Variants in TSNAX observed in about 807,000 individuals in gnomAD.
TSNAX encodes translin-associated protein X.
A neutral mutation model predicts 33.0 loss-of-function variants in TSNAX; 12 were observed. The observed-to-expected ratio is 0.36, with a 90% CI of 0.23 to 0.59. The LOEUF is 0.59. Among genes scored for constraint, TSNAX ranks in the 20% least tolerant of loss-of-function variants. The pLI is 0.74. For missense variants in TSNAX, 267 were observed against 341.3 expected (o/e 0.78, Z 1.72); for synonymous variants, 110 against 117.2 (o/e 0.94, Z 0.40).
chr1:231,553,720 CTT>C (rs1347502325), intron 4 of TSNAX, among the ~76,000 whole-genome samples: 1 of 121,896 alleles, frequency 8.2e-6, no homozygotes, highest in Non-Finnish European at 1.7e-5. Flanking sequence ...GAGTTTTGCT[CTT>C]GTTGCCCAGG....
At chr1:231,530,929 C>T (rs1368902430) in intron 2 of TSNAX, among the ~76,000 whole-genome samples, 1 of 150,622 alleles carries the variant, frequency 6.6e-6, no homozygotes, top group Non-Finnish European at 1.5e-5. Flanking sequence ...GTGGTGTCCT[C>T]ATTACCCGTC....
chr1:231,529,577 C>G (rs917676077), intron 2 of TSNAX, among the ~76,000 whole-genome samples: 1 of 152,154 alleles, frequency 6.6e-6, no homozygotes, highest in Non-Finnish European at 1.5e-5. Flanking sequence ...GACTTAAACA[C>G]AAGAAACAGT....
chr1:231,533,168 G>T (rs1658900549), intron 2 of TSNAX, among the ~76,000 whole-genome samples: 1 of 145,034 alleles, frequency 6.9e-6, no homozygotes, highest in Non-Finnish European at 1.5e-5. Flanking sequence ...CCAGGTTCAA[G>T]CAATTCTCCT....
chr1:231,539,089 CCTGA>C (rs1387752115), intron 3 of TSNAX, among the ~76,000 whole-genome samples: 2 of 152,152 alleles, frequency 1.3e-5, no homozygotes, highest in African/African-American at 4.8e-5. Flanking sequence ...CTTTTTCTTA[CCTGA>C]CTGTGTAAAA....
chr1:231,564,434 A>G (rs200730072), intron 5 of TSNAX, 94 bp from the exon 6 acceptor site: 74 of 1,495,804 alleles, frequency 4.9e-5, no homozygotes, highest in Non-Finnish European at 6.1e-5. Context: ...TACTTCTATA[A>G]TAAATGTGAT....
chr1:231,537,691 A>C (rs1219209420), intron 3 of TSNAX, among the ~76,000 whole-genome samples: 2 of 151,366 alleles, frequency 1.3e-5, no homozygotes, highest in African/African-American at 4.9e-5. Context: ...CAGTGTGCCA[A>C]GATCCCACCA....
intron 4 of TSNAX, among the ~76,000 whole-genome samples, chr1:231,557,416 A>G (rs1469172525): frequency 6.6e-6 from 1 of 152,196 alleles, no homozygotes; most frequent in Non-Finnish European, 1.5e-5. Context: ...GAAGACGGAA[A>G]GAATGTCCAT....
chr1:231,557,613 G>T (rs187990605), intron 4 of TSNAX, among the ~76,000 whole-genome samples: 2 of 152,094 alleles, frequency 1.3e-5, no homozygotes, highest in Non-Finnish European at 2.9e-5. Context: ...GAAATATAGG[G>T]TTCATGGATA....
At chr1:231,549,814 A>G (rs893587166) in intron 4 of TSNAX, among the ~76,000 whole-genome samples, 15 of 152,342 alleles carry the variant, frequency 9.8e-5, no homozygotes, top group African/African-American at 3.1e-4. Flanking sequence ...CCAAAGGTGC[A>G]CCGATTCCAA....
chr1:231,530,921 G>C (rs1473229536), intron 2 of TSNAX, among the ~76,000 whole-genome samples: 2 of 151,400 alleles, frequency 1.3e-5, no homozygotes, highest in African/African-American at 4.9e-5. Context: ...CTTCTAAGGT[G>C]GTGTCCTCAT....
At chr1:231,529,467 G>A in intron 2 of TSNAX, 108 bp downstream of exon 2, 1 of 1,125,362 alleles carries the variant, frequency 8.9e-7, no homozygotes, top group South Asian at 1.5e-5. Flanking sequence ...ACTTTAGCTG[G>A]AGGTTTTGTG....
intron 2 of TSNAX, among the ~76,000 whole-genome samples, chr1:231,533,818 CCTTTA>C (rs1658955199): frequency 6.6e-6 from 1 of 152,140 alleles, no homozygotes; most frequent in East Asian, 1.9e-4. Context: ...GCATCATACC[CCTTTA>C]CTTGTTAATA....
intron 4 of TSNAX, 191 bp downstream of exon 4, chr1:231,542,802 G>A: frequency 1.9e-6 from 1 of 517,712 alleles, no homozygotes; most frequent in East Asian, 3.4e-5. Flanking sequence ...ACAGTGTAGT[G>A]ATGGTCATTG....
rs1661399560 is a variant in TSNAX, at chr1:231,565,900, T to G, written c.*995T>G. ...ATTTTTTGTTTTTTTTTAATCACAG[T>G]AGGTCTGATAGAGAATTGGAGCTAA... On this transcript the variant is annotated 3_prime_UTR_variant, in exon 6 of 6. Transcript: ENST00000366639. The G allele has an allele frequency of 6.6e-6, 1 of 152,098 alleles. No homozygotes were observed. The highest frequency in any genetic ancestry group is 1.5e-5 in the Non-Finnish European group (1 of 68,006). 9.4% of individuals were successfully genotyped at this position (152,098 alleles called of 1,614,324 possible).
rs1327927242 is a variant in TSNAX, at chr1:231,560,417, C to CA, written c.368-711_368-710insA. ...AGGCTTTTCTTTTCTCCCCCCCCCC[C>CA]CTTTTTTTTTTTTTGAGACGAAGTC... On this transcript the variant is annotated intron_variant, in intron 4 of 5. Transcript: ENST00000366639. Among the ~76,000 whole-genome samples, 30 of 90,254 alleles carry CA rather than the reference C, an allele frequency of 3.3e-4. 1 individual carries two copies. Among genetic ancestry groups the CA allele is most frequent in the Middle Eastern group, 5.9e-3 (1 of 170 alleles). The allele number at this position is 90,254 out of a possible 152,430, so 59.2% of individuals were successfully genotyped here.
Position 231,562,230 on chromosome 1 carries a change from A to T in TSNAX, c.495+975A>T, listed in dbSNP as rs576393196. Among the ~76,000 whole-genome samples the T allele has an allele frequency of 3.7e-3, 557 of 149,162 alleles. 2 individuals are homozygous for T. Among genetic ancestry groups the T allele is most frequent in the African/African-American group, 0.013 (521 of 41,050 alleles). On this transcript the variant is annotated intron_variant, in intron 5 of 5. Transcript: ENST00000366639. ...TATTAAATATTTAATTATTTTAAAA[A>T]TTTTCTTTATTTTTTCTTTTAAAAA...
chr1:231,544,626 A>G (rs929795681), intron 4 of TSNAX, among the ~76,000 whole-genome samples: 46 of 152,222 alleles, frequency 3.0e-4, no homozygotes, highest in African/African-American at 1.1e-3. Context: ...GATTTGCTGT[A>G]TTTGGCCCAG....
intron 4 of TSNAX, among the ~76,000 whole-genome samples, chr1:231,547,067 T>C (rs932857901): frequency 2.4e-4 from 37 of 152,246 alleles, no homozygotes; most frequent in African/African-American, 8.7e-4. Context: ...CTGCCTGATA[T>C]GGTAATTTGA....
intron 4 of TSNAX, among the ~76,000 whole-genome samples, chr1:231,546,455 C>T (rs992572053): frequency 6.6e-6 from 1 of 152,034 alleles, no homozygotes; most frequent in Non-Finnish European, 1.5e-5. Flanking sequence ...CAGAGAAATT[C>T]GATGTAGGTT....
Sources: allele counts gnomAD v4.1 joint callset (sites outside exome capture counted in the v4.1 genomes callset), GRCh38; gene constraint gnomAD v4.1.1; transcripts MANE v1.5; gene names NCBI Gene and HGNC (gene_info 2026-07-23, HGNC 2026-07-21).